The following SLC2A9 variants were observed in gnomAD, a reference collection of about 807,000 sequenced individuals.
The protein encoded by SLC2A9 is solute carrier family 2 member 9.
SLC2A9 carries 39 observed loss-of-function variants against 50.6 expected under a neutral mutation model. That is an observed-to-expected ratio of 0.77 (90% CI 0.60 to 1.01). SLC2A9 has a LOEUF of 1.01. SLC2A9 is among the 50% of genes least tolerant of loss of function. The pLI is 0.00. For missense variants in SLC2A9, 686 were observed against 677.6 expected, an observed-to-expected ratio of 1.01 and a Z score of -0.14; for synonymous variants, 324 against 276.9, an observed-to-expected ratio of 1.17 and a Z score of -1.69.
In SLC2A9 at chr4:9,900,231, C is replaced by T. The variant is rs2109892265; in HGVS notation, c.1113+8004G>A. Among the ~76,000 whole-genome samples the T allele has an allele frequency of 1.3e-5, 2 of 152,286 alleles. 1 individual carries two copies. Among genetic ancestry groups the T allele is most frequent in the East Asian group, 3.9e-4 (2 of 5,168 alleles). ...GATGGTAAATGCTGTCTCCACCCTG[C>T]ATCCCATGAGCCACATCCGCACTTT... On this transcript the variant is annotated intron_variant, in intron 8 of 11. Transcript: ENST00000264784.
intron 5 of SLC2A9, among the ~76,000 whole-genome samples, chr4:9,942,355 G>A (rs1748318538): frequency 6.6e-6 from 1 of 152,224 alleles, no homozygotes; most frequent in Non-Finnish European, 1.5e-5. Flanking sequence ...ACTCCCTGGG[G>A]AACCATGGTG....
In SLC2A9 at chr4:9,788,666, A is replaced by G. The variant is rs550585309; in HGVS notation, n.386-8601T>C. Among the ~76,000 whole-genome samples, 8 of 152,266 alleles carry G rather than the reference A, an allele frequency of 5.3e-5. No individual in the cohort carries two copies. In the East Asian group the frequency reaches 1.5e-3, roughly 29 times the overall value. On this transcript the variant is annotated intron_variant and non_coding_transcript_variant, in intron 3 of 3. Coordinates refer to the SLC2A9 transcript ENST00000503803. ...ACACTGTTTTCTATTGTCTTCTAAGACTGTCCCTGCCCTCAAATCTCTCAG... is the reference window on the plus strand; with the variant it reads ...ACACTGTTTTCTATTGTCTTCTAAGGCTGTCCCTGCCCTCAAATCTCTCAG...
intron 1 of SLC2A9, among the ~76,000 whole-genome samples, chr4:10,030,167 A>T (rs1763893375): frequency 6.6e-6 from 1 of 152,196 alleles, no homozygotes; most frequent in Non-Finnish European, 1.5e-5. Context: ...TGATGAGCAT[A>T]GTTAATAATA....
intron 11 of SLC2A9, among the ~76,000 whole-genome samples, chr4:9,831,031 C>T (rs998833888): frequency 5.9e-5 from 9 of 152,144 alleles, no homozygotes; most frequent in African/African-American, 7.2e-5. Context: ...TCAATACAGG[C>T]GTGATTCGTG....
downstream of SLC2A9, among the ~76,000 whole-genome samples, chr4:9,797,407 GAC>G (rs966335564): frequency 5.9e-5 from 9 of 152,170 alleles, no homozygotes; most frequent in African/African-American, 2.2e-4. Flanking sequence ...TTCTTTGCAT[GAC>G]CACTCTGGAC....
intron 5 of SLC2A9, among the ~76,000 whole-genome samples, chr4:9,978,398 A>C (rs1258757567): frequency 3.3e-5 from 5 of 152,230 alleles, no homozygotes; most frequent in Non-Finnish European, 7.3e-5. Context: ...TGGAATTTGG[A>C]AATGATCCCC....
At chr4:9,959,091 G>A (rs1751804504) in intron 5 of SLC2A9, among the ~76,000 whole-genome samples, 1 of 151,846 alleles carries the variant, frequency 6.6e-6, no homozygotes, top group African/African-American at 2.4e-5. Flanking sequence ...GGGAAGGGAG[G>A]GATGGTGCTG....
At chr4:9,902,475 C>T (rs1317043933) in intron 8 of SLC2A9, among the ~76,000 whole-genome samples, 25 of 152,286 alleles carry the variant, frequency 1.6e-4, no homozygotes, top group Admixed American at 1.2e-3. Context: ...AGAGTAACTG[C>T]GTGAGTTTCC....
Position 9,941,830 on chromosome 4 carries a change from C to A in SLC2A9, c.814+83G>T. The A allele has an allele frequency of 3.8e-6, 6 of 1,587,314 alleles. 1 individual carries two copies. In the South Asian group the frequency reaches 6.7e-5, roughly 18 times the overall value. On this transcript the variant is annotated intron_variant, in intron 6 of 11. Transcript: ENST00000264784. ...AACAATGACAACACCCCTTCCTGTGCCCATTGGCCCAGGTCCCAGCATGCC... is the reference window on the plus strand; with the variant it reads ...AACAATGACAACACCCCTTCCTGTGACCATTGGCCCAGGTCCCAGCATGCC...
chr4:9,981,717 AT>A (rs1262963663), intron 4 of SLC2A9, among the ~76,000 whole-genome samples: 2 of 152,198 alleles, frequency 1.3e-5, no homozygotes, highest in Non-Finnish European at 2.9e-5. Context: ...TTATAAAAAT[AT>A]AATAGTTTTT....
At chr4:9,823,923 G>A (rs540968079), downstream of SLC2A9, among the ~76,000 whole-genome samples, 1 of 152,286 alleles carries the variant, frequency 6.6e-6, no homozygotes, top group South Asian at 2.1e-4. Context: ...TTATGTTGGG[G>A]GAGTGAAGGA....
At chr4:9,979,365 A>T (rs1420130813) in intron 5 of SLC2A9, among the ~76,000 whole-genome samples, 1 of 152,126 alleles carries the variant, frequency 6.6e-6, no homozygotes, top group Non-Finnish European at 1.5e-5. Flanking sequence ...TCAGCTCCAC[A>T]GGGAGCTGTT....
chr4:9,857,504 A>G (rs1056602781), intron 10 of SLC2A9, among the ~76,000 whole-genome samples: 3 of 152,182 alleles, frequency 2.0e-5, no homozygotes, highest in Admixed American at 2.0e-4. Context: ...AGGCTGTCCC[A>G]CATCCACCTG....
chr4:9,969,384 A>T (rs1320124682), intron 5 of SLC2A9, among the ~76,000 whole-genome samples: 1 of 152,224 alleles, frequency 6.6e-6, no homozygotes, highest in Non-Finnish European at 1.5e-5. Flanking sequence ...CAACTATGGT[A>T]GTTTTAAATT....
chr4:9,973,410 T>A (rs555799807), intron 5 of SLC2A9, among the ~76,000 whole-genome samples: 15 of 152,268 alleles, frequency 9.9e-5, no homozygotes, highest in African/African-American at 3.6e-4. Flanking sequence ...TTCCAAAAAA[T>A]TGAGGAGGGA....
At chr4:10,007,500 G>A (rs1181979579) in intron 2 of SLC2A9, among the ~76,000 whole-genome samples, 1 of 152,220 alleles carries the variant, frequency 6.6e-6, no homozygotes, top group African/African-American at 2.4e-5. Context: ...GCAGTGAGGG[G>A]GCAGCCAAAT....
chr4:9,792,107 G>T (rs1240508261), intron 3 of SLC2A9, among the ~76,000 whole-genome samples: 1 of 149,394 alleles, frequency 6.7e-6, no homozygotes, highest in Non-Finnish European at 1.5e-5. Context: ...TTGAAAGCCT[G>T]TGCTCATTTC....
chr4:10,020,728 C>T (rs1257566507), intron 1 of SLC2A9, among the ~76,000 whole-genome samples: 7 of 152,212 alleles, frequency 4.6e-5, no homozygotes, highest in African/African-American at 1.7e-4. Context: ...CTCCCAGCCC[C>T]GATGACCTTA....
chr4:9,945,431 G>A (rs1472095564), intron 5 of SLC2A9, among the ~76,000 whole-genome samples: 2 of 152,180 alleles, frequency 1.3e-5, no homozygotes, highest in Admixed American at 1.3e-4. Flanking sequence ...TAAGCACATT[G>A]GATAGTTCAT....
Sources: gnomAD v4.1 joint callset for allele counts (sites outside exome capture counted in the v4.1 genomes callset) on GRCh38, gnomAD v4.1.1 for gene constraint, MANE v1.5 for transcripts, NCBI Gene and HGNC (gene_info 2026-07-23, HGNC 2026-07-21) for gene names.